CSTF3: variants seen among roughly 807,000 people sequenced by gnomAD.
CSTF3 encodes cleavage stimulation factor subunit 3.
Under a neutral mutation model 105.8 loss-of-function variants are expected in CSTF3, and 29 were observed. That is an observed-to-expected ratio of 0.27 (90% CI 0.20 to 0.37). The LOEUF (loss-of-function observed/expected upper bound fraction) is 0.37, where lower values mean the gene tolerates loss of function less well. Among genes scored for constraint, CSTF3 ranks in the 10% least tolerant of loss-of-function variants. CSTF3 has a pLI of 1.00. For synonymous variants in CSTF3, 252 were observed against 281.9 expected, an observed-to-expected ratio of 0.89 and a Z score of 1.06; for missense variants, 357 against 879.3, an observed-to-expected ratio of 0.41 and a Z score of 7.51.
chr11:33,093,161 C>A (rs1855186043), intron 15 of CSTF3, among the ~76,000 whole-genome samples: 1 of 152,046 alleles, frequency 6.6e-6, no homozygotes, highest in Non-Finnish European at 1.5e-5. Flanking sequence ...CAGTTTATTA[C>A]ATGTCCATAA....
At chr11:33,098,382 G>A (rs1372086660) in intron 13 of CSTF3, among the ~76,000 whole-genome samples, 1 of 152,162 alleles carries the variant, frequency 6.6e-6, no homozygotes, top group Non-Finnish European at 1.5e-5. Context: ...TAGAGAAAGT[G>A]CCTCTGTATC....
chr11:33,152,172 T>C (rs989443586), intron 1 of CSTF3, among the ~76,000 whole-genome samples: 1 of 152,174 alleles, frequency 6.6e-6, no homozygotes, highest in African/African-American at 2.4e-5. Context: ...GGAGGATCCC[T>C]TGAGCCGGCG....
chr11:33,085,478 G>GAT (rs1284135386), intron 20 of CSTF3, among the ~76,000 whole-genome samples, 189 bp from the exon 21 acceptor site: 1 of 152,200 alleles, frequency 6.6e-6, no homozygotes, highest in Non-Finnish European at 1.5e-5. Flanking sequence ...AGCCAAGCCT[G>GAT]ATAGTGCATG....
At chr11:33,120,849 T>C (rs550413955) in intron 3 of CSTF3, among the ~76,000 whole-genome samples, 49 of 152,132 alleles carry the variant, frequency 3.2e-4, no homozygotes, top group African/African-American at 1.2e-3. Flanking sequence ...GTATAACTTT[T>C]ACAGAAAGGT....
Position 33,106,075 on chromosome 11 carries a change from C to A in CSTF3, c.357-11G>T. 1 of 1,606,916 alleles carries A rather than the reference C, an allele frequency of 6.2e-7. No individual in the cohort carries two copies. On this transcript the variant is annotated splice_polypyrimidine_tract_variant and intron_variant, in intron 5 of 20. Transcript: ENST00000323959. ...TGAGCCATTTTTTCTCTGAAATGAA[C>A]ATGAAAGACGTGGTTTTTAAATTTT... is the stretch of plus-strand genomic sequence containing the variant.
chr11:33,110,052 A>G (rs1490226660), intron 3 of CSTF3, among the ~76,000 whole-genome samples: 1 of 152,188 alleles, frequency 6.6e-6, no homozygotes, highest in Non-Finnish European at 1.5e-5. Flanking sequence ...TCCTGTGTTC[A>G]TATTACTTTG....
intron 10 of CSTF3, among the ~76,000 whole-genome samples, chr11:33,101,718 T>C (rs936164772): frequency 1.3e-5 from 2 of 152,030 alleles, no homozygotes; most frequent in Non-Finnish European, 2.9e-5. Context: ...AATAGGGAAA[T>C]GTAAACCACA....
Position 33,099,294 on chromosome 11 carries a change from C to A in CSTF3, c.937-144G>T. ...GTACACACATATATATGTATCCACA[C>A]ACACACATACATAAACACATATGCA... On this transcript the variant is annotated intron_variant, in intron 11 of 20. Coordinates refer to ENST00000323959, the MANE Select transcript of CSTF3 (RefSeq NM_001326.3). The surrounding 1 kb of genome is among the most constrained non-coding windows in gnomAD (Gnocchi z 4.1). 9.6e-6 allele frequency: 10 copies of A among 1,036,698 alleles called. No individual in the cohort carries two copies. The highest frequency in any genetic ancestry group is 1.2e-5 in the Non-Finnish European group (9 of 733,046). The allele number at this position is 1,036,698 out of a possible 1,614,324, so 64.2% of individuals were successfully genotyped here. A position where few individuals can be genotyped will look rare whatever the true frequency, so the allele number is the denominator to read the frequency against.
intron 3 of CSTF3, among the ~76,000 whole-genome samples, chr11:33,112,975 C>A (rs907779788): frequency 1.3e-5 from 2 of 151,984 alleles, no homozygotes; most frequent in Admixed American, 1.3e-4. Context: ...TGGGAGGCCT[C>A]GGTGGGTGGA....
rs528489810 is a variant in CSTF3, at chr11:33,146,560, T to TA, written c.28-4575dup. The stretch of plus-strand genomic sequence containing the variant: ...AGAACAAAACCCTGTCTCTATTTGT[T>TA]AAAATTAAATAAATACATATAAAAA... On this transcript the variant is annotated intron_variant, in intron 1 of 20. Transcript: ENST00000323959. 1.5e-4 allele frequency among the ~76,000 whole-genome samples: 23 copies of TA among 148,828 alleles called. No individual in the cohort carries two copies. In the South Asian group the frequency reaches 4.6e-3, roughly 30 times the overall value.
At chr11:33,142,301 A>T (rs763998793) in intron 1 of CSTF3, among the ~76,000 whole-genome samples, 2 of 150,360 alleles carry the variant, frequency 1.3e-5, no homozygotes, top group African/African-American at 2.4e-5. Context: ...AACTATTTAC[A>T]TGGCATCTGT....
At chr11:33,161,078 T>C (rs947369066) in intron 1 of CSTF3, among the ~76,000 whole-genome samples, 2 of 152,086 alleles carry the variant, frequency 1.3e-5, no homozygotes, top group Admixed American at 6.6e-5. Flanking sequence ...ACCGCTATTG[T>C]CTAAATCAAG....
chr11:33,132,003 G>A (rs1431260411), intron 3 of CSTF3, among the ~76,000 whole-genome samples: 1 of 152,078 alleles, frequency 6.6e-6, no homozygotes, highest in Non-Finnish European at 1.5e-5. Context: ...AGGTGCACAG[G>A]TATTGACTAT....
intron 3 of CSTF3, among the ~76,000 whole-genome samples, chr11:33,111,470 T>G (rs548909940): frequency 6.6e-6 from 1 of 152,016 alleles, no homozygotes; most frequent in Non-Finnish European, 1.5e-5. Flanking sequence ...TCTATCTTTA[T>G]AAAATAAATA....
At chr11:33,142,008 G>C in intron 1 of CSTF3, 22 bp from the exon 2 acceptor site, 1 of 1,613,028 alleles carries the variant, frequency 6.2e-7, no homozygotes, top group Non-Finnish European at 8.5e-7. Flanking sequence ...AAACAACAGT[G>C]AACTAAAGTT....
intron 1 of CSTF3, among the ~76,000 whole-genome samples, chr11:33,148,736 G>A (rs1490005494): frequency 2.2e-4 from 34 of 151,654 alleles, no homozygotes; most frequent in Non-Finnish European, 3.8e-4. Context: ...TTGCTCCTTT[G>A]GTGCCACAGA....
chr11:33,159,254 T>A (rs921666544), intron 1 of CSTF3, among the ~76,000 whole-genome samples: 6 of 151,768 alleles, frequency 4.0e-5, no homozygotes, highest in Admixed American at 2.0e-4. Context: ...GCCCAGGAGT[T>A]CCAGACCAGG....
chr11:33,156,061 T>C (rs1448675491), intron 1 of CSTF3, among the ~76,000 whole-genome samples: 2 of 152,184 alleles, frequency 1.3e-5, no homozygotes, highest in Non-Finnish European at 2.9e-5. Context: ...CAATTCTCAT[T>C]CTTTAAGCAC....
At chr11:33,105,775 C>T (rs2077262163) in intron 7 of CSTF3, 82 bp from the exon 8 acceptor site, 2 of 1,535,532 alleles carry the variant, frequency 1.3e-6, no homozygotes, top group South Asian at 1.2e-5. Flanking sequence ...GGATATCTAC[C>T]CAAAGAACAA....
Sources: gnomAD v4.1 joint callset for allele counts (sites outside exome capture counted in the v4.1 genomes callset) on GRCh38, gnomAD v4.1.1 for gene constraint, Gnocchi (gnomAD v3.1) non-coding constraint, MANE v1.5 for transcripts, NCBI Gene and HGNC (gene_info 2026-07-23, HGNC 2026-07-21) for gene names.